Variants in AKAP12 observed in about 807,000 individuals in gnomAD.
AKAP12 encodes the protein A-kinase anchoring protein 12.
A neutral mutation model predicts 79.9 loss-of-function variants in AKAP12; 32 were observed. The observed-to-expected ratio is 0.40, with a 90% CI of 0.30 to 0.54. AKAP12 has a LOEUF of 0.54. Ranked by LOEUF, AKAP12 falls within the 20% of genes least tolerant of loss-of-function variation. The pLI, the probability that AKAP12 is intolerant of heterozygous loss-of-function variation, is 0.48. For missense variants in AKAP12, 2,074 were observed against 2,177.0 expected (o/e 0.95, Z 0.94); for synonymous variants, 808 against 857.0 (o/e 0.94, Z 1.00).
At position 151,353,609 on chromosome 6, in the gene AKAP12, G is replaced by A; in HGVS notation, c.5218G>A (p.Asp1740Asn). The A allele has an allele frequency of 6.2e-7, 1 of 1,613,968 alleles. No individual in the cohort carries two copies. The highest frequency in any genetic ancestry group is 8.5e-7 in the Non-Finnish European group (1 of 1,179,992). ...TGGACCAAAACAAAAAGAGAAGGAG[G>A]ATGCCCAGGAAGTAGAATTGCAGGA... ...TNGPKQKEKE[D>N]AQEVELQEGK... Residue 1740 changes from aspartate (D) to asparagine (N), a missense_variant, in exon 4 of 5, where the codon GAT (aspartate) becomes AAT (asparagine). Around this residue, in one of 3 missense-constraint regions of AKAP12, gnomAD observed 614 missense variants for 665.6 expected, o/e 0.92. Transcript: ENST00000402676.
intron 3 of AKAP12, chr6:151,324,336 T>G: frequency 1.0e-6 from 1 of 985,426 alleles, no homozygotes; most frequent in South Asian, 4.7e-5. Flanking sequence ...CTGAAGCTGA[T>G]TTTTGTAACA....
intron 3 of AKAP12, among the ~76,000 whole-genome samples, chr6:151,307,829 T>A (rs1201956861): frequency 6.6e-6 from 1 of 152,156 alleles, no homozygotes; most frequent in Non-Finnish European, 1.5e-5. Context: ...TGAGCAAATA[T>A]CAAATCCCCC....
chr6:151,325,214 A>G (rs2114784849), intron 3 of AKAP12: 1 of 985,432 alleles, frequency 1.0e-6, no homozygotes, highest in East Asian at 1.1e-4. Context: ...AATGCTACAG[A>G]TGCCAAGAAG....
At chr6:151,257,453 C>T (rs1028839658) in intron 2 of AKAP12, among the ~76,000 whole-genome samples, 1 of 152,160 alleles carries the variant, frequency 6.6e-6, no homozygotes, top group East Asian at 1.9e-4. Flanking sequence ...TGCACCACCA[C>T]GCCTGGCTAA....
chr6:151,352,056 C>T lies in AKAP12; in HGVS notation c.3665C>T (p.Pro1222Leu). The T allele has an allele frequency of 1.2e-6, 2 of 1,614,114 alleles. No individual in the cohort carries two copies. Among genetic ancestry groups the T allele is most frequent in the East Asian group, 2.2e-5 (1 of 44,872 alleles). Residue 1222 changes from proline to leucine, a missense_variant, in exon 4 of 5, where the codon CCA becomes CTA. Transcript: ENST00000402676. Reference protein sequence around the residue: ...EAVPAQKERPPAPSSFVFQEE... With the variant: ...EAVPAQKERPLAPSSFVFQEE... ...GTTCCTGCACAGAAAGAGAGGCCTC[C>T]AGCACCTTCCAGTTTTGTGTTCCAG...
At chr6:151,343,377 AGTTT>A (rs917395804) in intron 3 of AKAP12, among the ~76,000 whole-genome samples, 2 of 152,212 alleles carry the variant, frequency 1.3e-5, no homozygotes, top group African/African-American at 4.8e-5. Context: ...ACTAGAATAG[AGTTT>A]GTTACTGGAA....
At chr6:151,243,365 G>A (rs1388257320) in intron 2 of AKAP12, among the ~76,000 whole-genome samples, 2 of 152,204 alleles carry the variant, frequency 1.3e-5, no homozygotes, top group Admixed American at 1.3e-4. Flanking sequence ...TATATCACAT[G>A]CATGCTATCT....
chr6:151,330,301 A>C (rs565347403), intron 3 of AKAP12, among the ~76,000 whole-genome samples: 51 of 152,232 alleles, frequency 3.4e-4, no homozygotes, highest in Admixed American at 3.3e-3. Context: ...CCCACCCCCC[A>C]AAAAACACAC....
chr6:151,355,122 AGTAG>A (rs1433563886), intron 4 of AKAP12, among the ~76,000 whole-genome samples: 24 of 151,788 alleles, frequency 1.6e-4, no homozygotes, highest in African/African-American at 5.8e-4. Flanking sequence ...CAGCCTCCTG[AGTAG>A]CTGGGATTAC....
chr6:151,275,146 T>A (rs1259683595), intron 2 of AKAP12, among the ~76,000 whole-genome samples: 1 of 152,058 alleles, frequency 6.6e-6, no homozygotes, highest in African/African-American at 2.4e-5. Context: ...CTCACAAACA[T>A]GTTTGACCCA....
At chr6:151,324,957 T>G in intron 3 of AKAP12, 7 of 985,454 alleles carry the variant, frequency 7.1e-6, no homozygotes, top group Non-Finnish European at 8.4e-6. Flanking sequence ...GTCTAAAAAT[T>G]GGAACATGGC....
At chr6:151,309,451 T>C (rs1165133211) in intron 3 of AKAP12, among the ~76,000 whole-genome samples, 1 of 151,200 alleles carries the variant, frequency 6.6e-6, no homozygotes, top group Non-Finnish European at 1.5e-5. Flanking sequence ...TACTGGAGGG[T>C]TTTTACTTTA....
intron 3 of AKAP12, among the ~76,000 whole-genome samples, chr6:151,332,681 C>T (rs776626098): frequency 1.5e-4 from 23 of 152,152 alleles, no homozygotes; most frequent in Non-Finnish European, 2.8e-4. Flanking sequence ...CTTTTTCCTG[C>T]GCTTTGAAGT....
At position 151,351,996 on chromosome 6, in the gene AKAP12, C is replaced by A; in HGVS notation, c.3605C>A (p.Ser1202Tyr). 1 of 1,614,060 alleles carries A rather than the reference C, an allele frequency of 6.2e-7. No homozygotes were observed. Among genetic ancestry groups the A allele is most frequent in the Non-Finnish European group, 8.5e-7 (1 of 1,180,036 alleles). ...ATCCATGAGGAGAATGAGGTCGCAT[C>A]TGGTACCCAGTCAGGGGGCACAGAA... Reference protein sequence around the residue: ...VEIHEENEVASGTQSGGTEAE... With the variant: ...VEIHEENEVAYGTQSGGTEAE... The change falls in exon 4 of 5, where the codon TCT becomes TAT. Residue 1202 changes from serine to tyrosine, a missense_variant. This residue lies in a region of AKAP12 where 32 missense variants were observed against 60.4 expected (regional missense o/e 0.53). Transcript: ENST00000402676. This position sits in a 1 kb window ranked among gnomAD's most constrained non-coding sequence, Gnocchi z 4.4.
intron 2 of AKAP12, among the ~76,000 whole-genome samples, chr6:151,297,019 G>GTTTTT (rs36046672): frequency 0.019 from 2,373 of 127,556 alleles, 76 homozygotes; most frequent in African/African-American, 0.062. Flanking sequence ...AAATAAAAGG[G>GTTTTT]TTTTTTTTTT....
chr6:151,286,703 C>T (rs969413887), intron 2 of AKAP12, among the ~76,000 whole-genome samples: 1 of 152,030 alleles, frequency 6.6e-6, no homozygotes, highest in African/African-American at 2.4e-5. Context: ...GCATATGAAC[C>T]AAACGAGCCA....
Position 151,358,042 on chromosome 6 carries a change from T to C in AKAP12, c.*2328T>C, listed in dbSNP as rs1180564385. The C allele has an allele frequency of 6.6e-6, 1 of 152,226 alleles. No homozygotes were observed. Among genetic ancestry groups the C allele is most frequent in the Non-Finnish European group, 1.5e-5 (1 of 68,044 alleles). 9.4% of individuals were successfully genotyped at this position (152,226 alleles called of 1,614,324 possible). On this transcript the variant is annotated 3_prime_UTR_variant, in exon 5 of 5. Coordinates refer to ENST00000402676, the MANE Select transcript of AKAP12 (RefSeq NM_005100.4). Reference sequence around the variant, plus strand: ...ACTATCTGGATGTGCCCAGAGTTACTTCTGTACAAGCTCTGTATCTATGTC... The same window carrying C: ...ACTATCTGGATGTGCCCAGAGTTACCTCTGTACAAGCTCTGTATCTATGTC...
At chr6:151,331,189 A>C (rs550454781) in intron 3 of AKAP12, among the ~76,000 whole-genome samples, 1 of 152,298 alleles carries the variant, frequency 6.6e-6, no homozygotes, top group South Asian at 2.1e-4. Context: ...TAAAGATGTA[A>C]CTTTTCATAT....
intron 2 of AKAP12, among the ~76,000 whole-genome samples, chr6:151,259,935 A>G (rs948156565): frequency 6.6e-6 from 1 of 151,724 alleles, no homozygotes; most frequent in East Asian, 1.9e-4. Flanking sequence ...AGCATTAACA[A>G]TGTGAATGAA....
Sources: gnomAD v4.1 joint callset for allele counts (sites outside exome capture counted in the v4.1 genomes callset) on GRCh38, gnomAD v4.1.1 for gene constraint, gnomAD v4.1.1 regional missense constraint, Gnocchi (gnomAD v3.1) non-coding constraint, MANE v1.5 for transcripts, NCBI Gene and HGNC (gene_info 2026-07-23, HGNC 2026-07-21) for gene names.